NKAIN3: variants seen among roughly 807,000 people sequenced by gnomAD.
The protein encoded by NKAIN3 is sodium/potassium-transporting ATPase subunit beta-1-interacting protein 3.
Under a neutral mutation model 30.2 loss-of-function variants are expected in NKAIN3, and 25 were observed. That is an observed-to-expected ratio of 0.83 (90% confidence interval 0.60 to 1.16). The LOEUF (loss-of-function observed/expected upper bound fraction) is 1.16, where lower values mean the gene tolerates loss of function less well. Ranked by LOEUF, NKAIN3 falls within the 50% of genes most tolerant of loss-of-function variation. The probability of loss-of-function intolerance (pLI) is 0.00; values close to 1 mark genes in which losing one functional copy is unlikely to be tolerated. For missense variants in NKAIN3, 225 were observed against 254.1 expected (o/e 0.89, Z 0.78); for synonymous variants, 91 against 89.6 (o/e 1.02, Z -0.09).
intron 4 of NKAIN3, among the ~76,000 whole-genome samples, chr8:62,911,624 C>A (rs1368366193): frequency 6.6e-6 from 1 of 151,982 alleles, no homozygotes; most frequent in African/African-American, 2.4e-5. Context: ...CTTGATCTGC[C>A]TGGCTGCTGC....
At chr8:62,794,517 A>G (rs538489450) in intron 4 of NKAIN3, among the ~76,000 whole-genome samples, 2 of 152,194 alleles carry the variant, frequency 1.3e-5, no homozygotes, top group Admixed American at 6.6e-5. Flanking sequence ...TACATAAAAT[A>G]CTGTTCTTAC....
chr8:62,920,779 C>G (rs1377159961), intron 5 of NKAIN3, among the ~76,000 whole-genome samples: 2 of 152,150 alleles, frequency 1.3e-5, no homozygotes, highest in Non-Finnish European at 2.9e-5. Flanking sequence ...GTCATCAATT[C>G]AAATTGACTC....
intron 1 of NKAIN3, among the ~76,000 whole-genome samples, chr8:62,565,626 T>C (rs867212891): frequency 6.6e-6 from 1 of 152,098 alleles, no homozygotes; most frequent in Non-Finnish European, 1.5e-5. Flanking sequence ...CTACAACTTG[T>C]GCAATTAAGA....
intron 1 of NKAIN3, among the ~76,000 whole-genome samples, chr8:62,558,347 C>T (rs1170709607): frequency 6.6e-6 from 1 of 152,066 alleles, no homozygotes; most frequent in African/African-American, 2.4e-5. Context: ...AATGTGATGC[C>T]TCCAGATTTG....
chr8:62,810,638 G>GTTTTTTTTTTTTTTTTTTTTTTT (rs3032376), intron 4 of NKAIN3, among the ~76,000 whole-genome samples: 1 of 120,206 alleles, frequency 8.3e-6, no homozygotes, highest in Non-Finnish European at 1.7e-5. Context: ...TAGGTAGAAA[G>GTTTTTTTTTTTTTTTTTTTTTTT]TTTTTTTTTT....
intron 1 of NKAIN3, among the ~76,000 whole-genome samples, chr8:62,271,402 G>C (rs903512393): frequency 6.6e-6 from 1 of 152,206 alleles, no homozygotes; most frequent in African/African-American, 2.4e-5. Context: ...ATTGAGAACT[G>C]TTTGGTGTTT....
intron 4 of NKAIN3, chr8:62,863,782 G>C: frequency 6.2e-7 from 1 of 1,611,346 alleles, no homozygotes; most frequent in Non-Finnish European, 8.5e-7. Context: ...CAGTAGAGAA[G>C]TGCCCCCATC....
Position 62,971,156 on chromosome 8 carries a change from G to C in NKAIN3, c.*5749G>C, listed in dbSNP as rs1823826151. On this transcript the variant is annotated 3_prime_UTR_variant, in exon 7 of 7. Coordinates refer to ENST00000623646, the MANE Select transcript of NKAIN3 (RefSeq NM_001304533.3). The stretch of plus-strand genomic sequence containing the variant: ...TGCTGAAGCTTCAGCCATTGGTTTT[G>C]TATTCTGGCCTTGGAGGTGGAGAAG... Among the ~76,000 whole-genome samples, 1 of 152,100 alleles carries C rather than the reference G, an allele frequency of 6.6e-6. No individual in the cohort carries two copies. Among genetic ancestry groups the C allele is most frequent in the Non-Finnish European group, 1.5e-5 (1 of 68,024 alleles).
At chr8:62,994,112 TAG>T (rs1245693984) in intron 5 of NKAIN3, among the ~76,000 whole-genome samples, 1 of 152,206 alleles carries the variant, frequency 6.6e-6, no homozygotes, top group African/African-American at 2.4e-5. Flanking sequence ...CAGAAATTTT[TAG>T]AAAGTTGTCC....
At position 62,983,538 on chromosome 8, in the gene NKAIN3, G is replaced by C. The variant is rs188934056; in HGVS notation, c.*18131G>C. The C allele has an allele frequency of 6.6e-6, 1 of 152,174 alleles. No homozygotes were observed. The highest frequency in any genetic ancestry group is 1.9e-4 in the East Asian group (1 of 5,184). 9.4% of individuals were successfully genotyped at this position (152,174 alleles called of 1,614,324 possible). ...AATCAAATTCACATTTTAATTTAGG[G>C]AGTTTAGGAGATACATCCTAGTGTG... On this transcript the variant is annotated 3_prime_UTR_variant, in exon 7 of 7. Coordinates refer to ENST00000623646, the MANE Select transcript of NKAIN3 (RefSeq NM_001304533.3).
At chr8:62,420,008 C>A (rs993195470) in intron 1 of NKAIN3, among the ~76,000 whole-genome samples, 1 of 152,142 alleles carries the variant, frequency 6.6e-6, no homozygotes. Flanking sequence ...AAATTTACAG[C>A]CCACAACCAT....
At chr8:62,750,099 G>T (rs980472979) in intron 4 of NKAIN3, among the ~76,000 whole-genome samples, 3 of 152,066 alleles carry the variant, frequency 2.0e-5, no homozygotes, top group South Asian at 2.1e-4. Context: ...TTAACAGCCC[G>T]AGGGGCGTGG....
rs115737755 is a variant in NKAIN3 at position 62,705,701 on chromosome 8, A to G, written c.274-41231A>G. On this transcript the variant is annotated intron_variant, in intron 3 of 6. Coordinates refer to ENST00000623646, the MANE Select transcript of NKAIN3 (RefSeq NM_001304533.3). Reference sequence around the variant, plus strand: ...GAGGTTTCTTAAAATTTTGTCTTCTAATCTTTCTATTGAATTTTTCGCTTG... The same window carrying G: ...GAGGTTTCTTAAAATTTTGTCTTCTGATCTTTCTATTGAATTTTTCGCTTG... Among the ~76,000 whole-genome samples the G allele has an allele frequency of 4.6e-3, 704 of 152,126 alleles. 4 individuals carry two copies. The highest frequency in any genetic ancestry group is 0.016 in the African/African-American group (669 of 41,510).
At chr8:62,787,332 C>T (rs1420371018) in intron 4 of NKAIN3, among the ~76,000 whole-genome samples, 4 of 151,536 alleles carry the variant, frequency 2.6e-5, no homozygotes, top group African/African-American at 7.3e-5. Context: ...AATAGAAGCA[C>T]AAAAATTGAA....
chr8:62,555,804 A>T (rs1034821623), intron 1 of NKAIN3, among the ~76,000 whole-genome samples: 1 of 152,090 alleles, frequency 6.6e-6, no homozygotes, highest in Non-Finnish European at 1.5e-5. Context: ...CAAAACTTCA[A>T]GAACATAGAA....
At chr8:62,914,224 T>C (rs914648422) in intron 4 of NKAIN3, among the ~76,000 whole-genome samples, 18 of 152,200 alleles carry the variant, frequency 1.2e-4, no homozygotes, top group Non-Finnish European at 1.5e-5. Context: ...GCTATTTTCC[T>C]TAGCAAACTA....
rs946782690 is a variant in NKAIN3, at chr8:62,310,457, T to C, written c.54+61330T>C. 2.6e-4 allele frequency among the ~76,000 whole-genome samples: 39 copies of C among 150,588 alleles called. 4 individuals are homozygous for C. Among genetic ancestry groups the C allele is most frequent in the African/African-American group, 9.0e-4 (36 of 39,924 alleles). Reference sequence around the variant, plus strand: ...CAAAAAGAACCATTTTATATTAACTTGAGCATGATTAGAAAGTATTTAGAA... The same window carrying C: ...CAAAAAGAACCATTTTATATTAACTCGAGCATGATTAGAAAGTATTTAGAA... On this transcript the variant is annotated intron_variant, in intron 1 of 6. Coordinates refer to ENST00000623646, the MANE Select transcript of NKAIN3 (RefSeq NM_001304533.3).
At chr8:62,781,521 A>G (rs1817353765) in intron 4 of NKAIN3, among the ~76,000 whole-genome samples, 1 of 152,062 alleles carries the variant, frequency 6.6e-6, no homozygotes, top group African/African-American at 2.4e-5. Context: ...ATCTGACTTC[A>G]GAACATATTA....
Position 62,819,133 on chromosome 8 carries a change from T to TTA in NKAIN3, c.471+72021_471+72022dup, listed in dbSNP as rs71559380. Reference sequence around the variant, plus strand: ...AATACTGGGAGTTACAGAATTATCGTTATATATATATATATATACATATAT... The same window carrying TTA: ...AATACTGGGAGTTACAGAATTATCGTTATATATATATATATATATACATATAT... On this transcript the variant is annotated intron_variant, in intron 4 of 6. Transcript: ENST00000623646. 7.5e-3 allele frequency among the ~76,000 whole-genome samples: 739 copies of TTA among 98,820 alleles called. 7 individuals are homozygous for TTA. Among genetic ancestry groups the TTA allele is most frequent in the African/African-American group, 0.017 (508 of 29,310 alleles). The allele number at this position is 98,820 out of a possible 152,430, so 64.8% of individuals were successfully genotyped here. A position where few individuals can be genotyped will look rare whatever the true frequency, so the allele number is the denominator to read the frequency against.
Sources: gnomAD v4.1 joint callset for allele counts (sites outside exome capture counted in the v4.1 genomes callset) on GRCh38, gnomAD v4.1.1 for gene constraint, MANE v1.5 for transcripts, NCBI Gene and HGNC (gene_info 2026-07-23, HGNC 2026-07-21) for gene names.